Variants in GRM8 observed in about 807,000 individuals in gnomAD.
The protein encoded by GRM8 is metabotropic glutamate receptor 8.
In GRM8, 47 loss-of-function variants were observed where a neutral mutation model predicts 87.2. The ratio of observed to expected loss-of-function variants is 0.54; its 90% CI spans 0.43 to 0.69. GRM8 has a LOEUF of 0.69. Among genes scored for constraint, GRM8 ranks in the 30% least tolerant of loss-of-function variants. GRM8 has a pLI of 0.00. For missense variants in GRM8, 1,019 were observed against 1,139.2 expected (o/e 0.89, Z 1.52); for synonymous variants, 396 against 404.5 (o/e 0.98, Z 0.25).
At chr7:126,636,455 A>T (rs1298700979) in intron 7 of GRM8, among the ~76,000 whole-genome samples, 1 of 152,110 alleles carries the variant, frequency 6.6e-6, no homozygotes, top group Non-Finnish European at 1.5e-5. Flanking sequence ...AATATTATGT[A>T]AATAGCTGTT....
chr7:126,590,904 A>G (rs1343285114), intron 8 of GRM8, among the ~76,000 whole-genome samples: 1 of 152,220 alleles, frequency 6.6e-6, no homozygotes, highest in Admixed American at 6.5e-5. Flanking sequence ...CTTGAAATTC[A>G]TCAAAACAGA....
chr7:127,145,175 T>A (rs981363552), intron 2 of GRM8, among the ~76,000 whole-genome samples: 2 of 152,128 alleles, frequency 1.3e-5, no homozygotes, highest in African/African-American at 2.4e-5. Context: ...AACAGCCTGA[T>A]GAAAATTGTT....
In GRM8 at chr7:127,211,171, T is replaced by C. The variant is rs112300864; in HGVS notation, c.510+31524A>G. Among the ~76,000 whole-genome samples the C allele has an allele frequency of 2.5e-3, 384 of 152,194 alleles. 2 individuals are homozygous for C. Among genetic ancestry groups the C allele is most frequent in the African/African-American group, 8.3e-3 (345 of 41,516 alleles). ...GGTCCTACAACAGGCCATTTGCAAG[T>C]TGAGGAGCAAGGAAGCGAGTCTGAG... On this transcript the variant is annotated intron_variant, in intron 2 of 10. Coordinates refer to ENST00000339582, the MANE Select transcript of GRM8 (RefSeq NM_000845.3).
At chr7:127,044,198 C>T (rs752847863) in intron 3 of GRM8, among the ~76,000 whole-genome samples, 3 of 152,232 alleles carry the variant, frequency 2.0e-5, no homozygotes, top group South Asian at 4.1e-4. Flanking sequence ...AGCTACTGTT[C>T]CCAGAATAAT....
chr7:126,551,509 T>C (rs1371635093), intron 8 of GRM8, among the ~76,000 whole-genome samples: 2 of 152,172 alleles, frequency 1.3e-5, no homozygotes, highest in Non-Finnish European at 2.9e-5. Context: ...TTGTTACTTA[T>C]GAACTAGAAC....
chr7:127,165,449 CCTGG>C (rs1205159398), intron 2 of GRM8, among the ~76,000 whole-genome samples: 6 of 151,912 alleles, frequency 3.9e-5, no homozygotes, highest in Non-Finnish European at 5.9e-5. Context: ...AGAATCCCAA[CCTGG>C]GTTGGCAGAC....
At chr7:126,638,987 C>A (rs1802114468) in intron 7 of GRM8, among the ~76,000 whole-genome samples, 1 of 152,190 alleles carries the variant, frequency 6.6e-6, no homozygotes, top group Non-Finnish European at 1.5e-5. Context: ...TCTCACCACA[C>A]AATCTACTCT....
At chr7:126,924,253 G>T (rs530903237) in intron 3 of GRM8, among the ~76,000 whole-genome samples, 118 of 152,258 alleles carry the variant, frequency 7.7e-4, no homozygotes, top group African/African-American at 2.8e-3. Context: ...AGAAATAAAA[G>T]GTATTGGATT....
intron 6 of GRM8, among the ~76,000 whole-genome samples, chr7:126,801,828 T>C (rs1048678602): frequency 5.3e-5 from 8 of 152,220 alleles, no homozygotes; most frequent in Admixed American, 1.3e-4. Context: ...GTCTGTCTCC[T>C]TTGCTTCGAG....
intron 6 of GRM8, among the ~76,000 whole-genome samples, chr7:126,899,016 G>T (rs1419455): frequency 0.76 from 111,650 of 147,474 alleles, 42,246 homozygotes; most frequent in East Asian, 0.96. Flanking sequence ...ACTTACGAGT[G>T]TAAAAAAAAA....
intron 6 of GRM8, among the ~76,000 whole-genome samples, chr7:126,772,217 C>T (rs1818922395): frequency 1.3e-5 from 2 of 152,046 alleles, no homozygotes; most frequent in Non-Finnish European, 1.5e-5. Flanking sequence ...AGGACCAAAA[C>T]CTGAAGAGCC....
At chr7:126,715,945 C>T (rs1278587948) in intron 7 of GRM8, among the ~76,000 whole-genome samples, 1 of 152,094 alleles carries the variant, frequency 6.6e-6, no homozygotes, top group Non-Finnish European at 1.5e-5. Context: ...ATTAACTGAG[C>T]ATGTATTTTC....
At chr7:126,983,718 C>A (rs80228126) in intron 3 of GRM8, among the ~76,000 whole-genome samples, 4,917 of 152,164 alleles carry the variant, frequency 0.032, 273 homozygotes, top group African/African-American at 0.11. Context: ...TATTACCATG[C>A]CCTCTGATTA....
At chr7:126,812,945 C>CACA (rs1793435969) in intron 6 of GRM8, among the ~76,000 whole-genome samples, 1 of 152,032 alleles carries the variant, frequency 6.6e-6, no homozygotes, top group Non-Finnish European at 1.5e-5. Flanking sequence ...AGGTTGATTT[C>CACA]ATAGCTTTGC....
At chr7:126,463,385 G>T (rs1009683621) in intron 9 of GRM8, among the ~76,000 whole-genome samples, 1 of 151,610 alleles carries the variant, frequency 6.6e-6, no homozygotes, top group Non-Finnish European at 1.5e-5. Flanking sequence ...AGGAACAAGT[G>T]AAAACTGAGA....
chr7:126,625,661 CAAAT>C (rs1292009300), intron 7 of GRM8, among the ~76,000 whole-genome samples: 1 of 152,028 alleles, frequency 6.6e-6, no homozygotes, highest in Non-Finnish European at 1.5e-5. Context: ...TTATAGTACT[CAAAT>C]AAGCTGATTC....
intron 2 of GRM8, among the ~76,000 whole-genome samples, chr7:127,185,666 G>T (rs1487449337): frequency 6.6e-6 from 1 of 152,072 alleles, no homozygotes; most frequent in African/African-American, 2.4e-5. Context: ...CCATGTACTG[G>T]GCTCAGCCAA....
chr7:126,929,919 TC>T (rs1283062312), intron 3 of GRM8, among the ~76,000 whole-genome samples: 2 of 147,796 alleles, frequency 1.4e-5, no homozygotes, highest in Non-Finnish European at 3.0e-5. Flanking sequence ...AGGGACAAAT[TC>T]CCCTGTTTGG....
intron 7 of GRM8, among the ~76,000 whole-genome samples, chr7:126,724,226 G>A (rs928895163): frequency 3.9e-5 from 6 of 152,102 alleles, no homozygotes; most frequent in African/African-American, 1.2e-4. Context: ...CTCCTGAGCA[G>A]GCAGCTGTAT....
Sources: gnomAD v4.1 joint callset for allele counts (sites outside exome capture counted in the v4.1 genomes callset) on GRCh38, gnomAD v4.1.1 for gene constraint, MANE v1.5 for transcripts, NCBI Gene and HGNC (gene_info 2026-07-23, HGNC 2026-07-21) for gene names.